The following RAD50 variants were observed in gnomAD, a reference collection of about 807,000 sequenced individuals.
RAD50 encodes the protein DNA repair protein RAD50.
A neutral mutation model predicts 168.8 loss-of-function variants in RAD50; 132 were observed. The ratio of observed to expected loss-of-function variants is 0.78; its 90% CI spans 0.68 to 0.90. The LOEUF (loss-of-function observed/expected upper bound fraction) is 0.90. Among genes scored for constraint, RAD50 ranks in the 40% least tolerant of loss-of-function variants. RAD50 has a pLI of 0.00. For missense variants in RAD50, 1,347 were observed against 1,534.4 expected (o/e 0.88, Z 2.04); for synonymous variants, 525 against 497.4 (o/e 1.06, Z -0.74).
intron 2 of RAD50, among the ~76,000 whole-genome samples, chr5:132,572,209 G>T (rs150293803): frequency 1.3e-5 from 2 of 152,234 alleles, no homozygotes; most frequent in Non-Finnish European, 2.9e-5. Context: ...CATAACTAAT[G>T]GATGAATAGT....
chr5:132,598,248 A>G (rs1159053841), intron 13 of RAD50, among the ~76,000 whole-genome samples: 2 of 151,874 alleles, frequency 1.3e-5, no homozygotes, highest in African/African-American at 4.8e-5. Flanking sequence ...AGAGGGTTTC[A>G]CCATGTTGGC....
Position 132,587,944 on chromosome 5 carries a change from G to A in RAD50, c.906G>A (p.Glu302=), listed in dbSNP as rs876659754. 3 of 1,613,186 alleles carry A rather than the reference G, an allele frequency of 1.9e-6. No homozygotes were observed. Among genetic ancestry groups the A allele is most frequent in the African/African-American group, 1.3e-5 (1 of 74,996 alleles). Residue 302 remains glutamate, a synonymous_variant, in exon 7 of 25, where the codon GAG becomes GAA. Coordinates refer to ENST00000378823, the MANE Select transcript of RAD50 (RefSeq NM_005732.4). ...KMEKVFQGTD[E]QLNDLYHNHQ... ...CACAGGTTTTTCAAGGGACTGATGA[G>A]CAACTAAATGACTTATATCACAATC...
chr5:132,586,468 C>T (rs530301190), intron 5 of RAD50, among the ~76,000 whole-genome samples: 10 of 152,246 alleles, frequency 6.6e-5, no homozygotes, highest in Middle Eastern at 3.4e-3. Flanking sequence ...ATCTCTCTTT[C>T]GTTTAGCTAA....
chr5:132,633,702 A>G (rs1305988477), intron 21 of RAD50, among the ~76,000 whole-genome samples: 1 of 151,936 alleles, frequency 6.6e-6, no homozygotes, highest in Non-Finnish European at 1.5e-5. Context: ...CAGCCTCCCA[A>G]GTAGCTGGGA....
intron 16 of RAD50, among the ~76,000 whole-genome samples, chr5:132,607,312 T>C (rs2149848828): frequency 6.6e-6 from 1 of 152,310 alleles, no homozygotes; most frequent in African/African-American, 2.4e-5. Flanking sequence ...CTCTCAGTCA[T>C]AGCACTCTTT....
chr5:132,620,984 T>G (rs1751274396), intron 21 of RAD50, among the ~76,000 whole-genome samples: 2 of 152,124 alleles, frequency 1.3e-5, no homozygotes, highest in South Asian at 2.1e-4. Context: ...GGGTCAGTCT[T>G]GCTGTCTCGG....
intron 21 of RAD50, among the ~76,000 whole-genome samples, chr5:132,629,468 T>C (rs1751425969): frequency 6.6e-6 from 1 of 152,152 alleles, no homozygotes; most frequent in South Asian, 2.1e-4. Flanking sequence ...ACAGGAGTGC[T>C]TTCTAGCAAT....
intron 22 of RAD50, 142 bp downstream of exon 22, chr5:132,637,342 T>A: frequency 6.9e-7 from 1 of 1,446,226 alleles, no homozygotes; most frequent in Non-Finnish European, 9.3e-7. Context: ...ATTCTTATCT[T>A]GGCAACATCT....
At position 132,638,127 on chromosome 5, in the gene RAD50, A is replaced by G. The variant is rs750262906; in HGVS notation, c.3522A>G (p.Ser1174=). The stretch of plus-strand genomic sequence containing the variant: ...GGTCTGATGCCGATGAAAATGTATC[A>G]GCTTCTGATAAAAGGCGGAATTATA... The part of the protein sequence containing the change: ...EIRSDADENV[S]ASDKRRNYNY... Residue 1174 remains serine (S), a synonymous_variant, in exon 23 of 25, where the codon TCA becomes TCG. Transcript: ENST00000378823. The G allele has an allele frequency of 2.5e-6, 4 of 1,614,150 alleles. No individual in the cohort carries two copies. The East Asian group carries it at 6.7e-5, about 27-fold the overall frequency.
Position 132,557,431 on chromosome 5 carries a change from G to A in RAD50, c.107G>A (p.Gly36Glu), listed in dbSNP as rs774754593. Residue 36 changes from glycine (G) to glutamate (E), a missense_variant, in exon 1 of 25, where the codon GGA becomes GAA. Physicochemically the swap from Gly to Glu is moderately conservative, Grantham distance 98. Coordinates refer to ENST00000378823, the MANE Select transcript of RAD50 (RefSeq NM_005732.4). ...TFFSPLTILV[G>E]PNGAGKTTII... is the part of the protein sequence containing the mutation. ...TTCAGCCCCCTTACAATTTTGGTTGGACCCAATGGGGCGGGAAAGACGGTA... is the reference window on the plus strand; with the variant it reads ...TTCAGCCCCCTTACAATTTTGGTTGAACCCAATGGGGCGGGAAAGACGGTA... The A allele has an allele frequency of 2.5e-6, 4 of 1,614,226 alleles. No homozygotes were observed. In the South Asian group the frequency reaches 4.4e-5, roughly 18 times the overall value.
chr5:132,624,249 C>T (rs948111028), intron 21 of RAD50, among the ~76,000 whole-genome samples: 4 of 152,150 alleles, frequency 2.6e-5, no homozygotes, highest in African/African-American at 9.7e-5. Context: ...ATTGCCATCT[C>T]TCCTAGATAT....
chr5:132,601,163 AT>A (rs1305395999), intron 13 of RAD50, among the ~76,000 whole-genome samples: 1 of 151,884 alleles, frequency 6.6e-6, no homozygotes, highest in East Asian at 1.9e-4. Flanking sequence ...CGCCCAACTG[AT>A]TTTTTGTATT....
chr5:132,636,089 G>A (rs890730748), intron 21 of RAD50, among the ~76,000 whole-genome samples: 3 of 152,114 alleles, frequency 2.0e-5, no homozygotes, highest in Non-Finnish European at 4.4e-5. Context: ...TTTTTTGTAT[G>A]CATCAGATAA....
At chr5:132,566,645 A>G (rs554304903) in intron 2 of RAD50, among the ~76,000 whole-genome samples, 1 of 152,376 alleles carries the variant, frequency 6.6e-6, no homozygotes, top group East Asian at 1.9e-4. Context: ...CCCTAAAGAC[A>G]AAATAATTCT....
At chr5:132,557,525 ACT>A (rs780202350) in intron 1 of RAD50, 72 bp downstream of exon 1, 13 of 1,593,478 alleles carry the variant, frequency 8.2e-6, no homozygotes, top group Admixed American at 1.7e-5. Context: ...GAAGTTGAGA[ACT>A]CTCCTTAGGA....
intron 23 of RAD50, among the ~76,000 whole-genome samples, chr5:132,639,936 A>T (rs1751680284): frequency 6.6e-6 from 1 of 152,144 alleles, no homozygotes; most frequent in Admixed American, 6.5e-5. Flanking sequence ...CCACAAACTG[A>T]GGGGGAAAGG....
chr5:132,559,481 GT>G, intron 2 of RAD50, 114 bp downstream of exon 2: 1 of 1,075,052 alleles, frequency 9.3e-7, no homozygotes. Flanking sequence ...GCCCCACACA[GT>G]TTTAGCACCC....
chr5:132,558,757 G>C (rs1169946286), intron 1 of RAD50, among the ~76,000 whole-genome samples: 1 of 151,530 alleles, frequency 6.6e-6, no homozygotes, highest in African/African-American at 2.4e-5. Context: ...CTACAGGCTG[G>C]GCATGGTGGC....
At position 132,594,941 on chromosome 5, in the gene RAD50, G is replaced by T. The variant is rs1060501948; in HGVS notation, c.1866G>T (p.Leu622Phe). Residue 622 changes from leucine (L) to phenylalanine (F), a missense_variant, in exon 12 of 25, where the codon TTG (leucine) becomes TTT (phenylalanine). By Grantham distance (22) the Leu-to-Phe change is conservative (BLOSUM62 0). Around this residue, in one of 3 missense-constraint regions of RAD50, gnomAD observed 703 missense variants for 767.7 expected, o/e 0.92. Coordinates refer to ENST00000378823, the MANE Select transcript of RAD50 (RefSeq NM_005732.4). ...AACTAAAAAGAAAGGAAGAGCAGTT[G>T]TCCAGTTACGAAGACAAGCTGTTTG... ...NNELKRKEEQ[L>F]SSYEDKLFDV... is the part of the protein sequence containing the mutation. The T allele has an allele frequency of 6.2e-7, 1 of 1,609,596 alleles. No homozygotes were observed. Among genetic ancestry groups the T allele is most frequent in the Non-Finnish European group, 8.5e-7 (1 of 1,176,078 alleles).
Sources: gnomAD v4.1 joint callset for allele counts (sites outside exome capture counted in the v4.1 genomes callset) on GRCh38, gnomAD v4.1.1 for gene constraint, gnomAD v4.1.1 regional missense constraint, MANE v1.5 for transcripts, NCBI Gene and HGNC (gene_info 2026-07-23, HGNC 2026-07-21) for gene names.